The following FARP1 variants were observed in gnomAD, a reference collection of about 807,000 sequenced individuals.
FARP1 encodes the protein FERM, ARH/RhoGEF and pleckstrin domain protein 1, also known as FERM, ARHGEF and pleckstrin domain-containing protein 1.
A neutral mutation model predicts 128.8 loss-of-function variants in FARP1; 52 were observed. The observed-to-expected ratio is 0.40, with a 90% confidence interval of 0.32 to 0.51. The LOEUF (loss-of-function observed/expected upper bound fraction) is 0.51. Among genes scored for constraint, FARP1 ranks in the 20% least tolerant of loss-of-function variants. The pLI is 0.45. For synonymous variants in FARP1, 580 were observed against 551.8 expected, an observed-to-expected ratio of 1.05 and a Z score of -0.72; for missense variants, 1,333 against 1,367.9, an observed-to-expected ratio of 0.97 and a Z score of 0.40.
chr13:98,229,868 C>A (rs1372495309), intron 2 of FARP1, among the ~76,000 whole-genome samples: 2 of 152,154 alleles, frequency 1.3e-5, no homozygotes, highest in East Asian at 3.9e-4. Context: ...TACTACGCCT[C>A]TCTCTACTGT....
intron 1 of FARP1, among the ~76,000 whole-genome samples, chr13:98,200,158 C>T (rs1055764183): frequency 6.6e-6 from 1 of 152,168 alleles, no homozygotes; most frequent in Non-Finnish European, 1.5e-5. Flanking sequence ...CTTTTTCTTG[C>T]GAGGAGCTGC....
In FARP1 at chr13:98,409,329, C is replaced by A. The variant is rs1480173059; in HGVS notation, c.1415-9C>A. On this transcript the variant is annotated splice_polypyrimidine_tract_variant and intron_variant, in intron 13 of 26. Transcript: ENST00000319562. The stretch of plus-strand genomic sequence containing the variant: ...TTTTTTTTCTTTAAAACTTCTCATC[C>A]CCAAACAGGCTCCCTGACTGGCAGT... 2 of 1,589,244 alleles carry A rather than the reference C, an allele frequency of 1.3e-6. No individual in the cohort carries two copies. Among genetic ancestry groups the A allele is most frequent in the Admixed American group, 1.8e-5 (1 of 57,028 alleles).
intron 6 of FARP1, among the ~76,000 whole-genome samples, chr13:98,381,331 A>G (rs976249698): frequency 2.6e-5 from 4 of 152,130 alleles, no homozygotes; most frequent in Admixed American, 6.6e-5. Flanking sequence ...GGCAGAAACT[A>G]TATTACCCCT....
intron 13 of FARP1, chr13:98,402,621 G>C (rs1483784668): frequency 4.6e-5 from 7 of 152,094 alleles, no homozygotes; most frequent in Admixed American, 4.6e-4. Flanking sequence ...GTGATTTATT[G>C]AAAGACTGAA....
chr13:98,197,607 A>G (rs1371326351), intron 1 of FARP1, among the ~76,000 whole-genome samples: 1 of 152,090 alleles, frequency 6.6e-6, no homozygotes, highest in African/African-American at 2.4e-5. Context: ...AAAATGGTAG[A>G]GGGCAGGAGA....
chr13:98,191,967 T>C lies in FARP1; in HGVS notation c.-23-21253T>C, dbSNP rs190161034. On this transcript the variant is annotated intron_variant, in intron 1 of 26. Transcript: ENST00000319562. ...TAAATAAATTAAATACGTAAGTAAA[T>C]AAATAAATTTTAGAGAAAAATGACT... Among the ~76,000 whole-genome samples the C allele has an allele frequency of 3.0e-3, 459 of 152,154 alleles. 2 individuals are homozygous for C. Among genetic ancestry groups the C allele is most frequent in the Non-Finnish European group, 5.0e-3 (338 of 67,996 alleles).
intron 2 of FARP1, among the ~76,000 whole-genome samples, chr13:98,274,371 C>T (rs186584933): frequency 4.1e-4 from 62 of 152,292 alleles, no homozygotes; most frequent in African/African-American, 1.4e-3. Flanking sequence ...CTGAGTTTCA[C>T]AGGCTCCTTA....
intron 2 of FARP1, among the ~76,000 whole-genome samples, chr13:98,316,720 C>T (rs771878336): frequency 2.0e-5 from 3 of 152,188 alleles, no homozygotes; most frequent in Non-Finnish European, 4.4e-5. Context: ...CCCAGTGATT[C>T]CGTCATGGGG....
At chr13:98,198,995 C>T (rs1879763206) in intron 1 of FARP1, among the ~76,000 whole-genome samples, 1 of 101,358 alleles carries the variant, frequency 9.9e-6, no homozygotes, top group Non-Finnish European at 2.0e-5. Flanking sequence ...TGGAGGATTA[C>T]TGAGCCCAAG....
chr13:98,289,605 A>G (rs1408434170), intron 2 of FARP1, among the ~76,000 whole-genome samples: 1 of 152,142 alleles, frequency 6.6e-6, no homozygotes. Flanking sequence ...ATGAAGGAGG[A>G]TGAGGTCCCT....
At position 98,213,363 on chromosome 13, in the gene FARP1, T is replaced by G; in HGVS notation, c.121T>G (p.Ser41Ala). 1.2e-6 allele frequency: 2 copies of G among 1,614,088 alleles called. No individual in the cohort carries two copies. The highest frequency in any genetic ancestry group is 1.7e-6 in the Non-Finnish European group (2 of 1,180,004). ...PPPTPSGKLV[S>A]IKIQMLDDTQ... ...CCCAACACCTTCAGGAAAACTCGTG[T>G]CCATCAAAATCCAGATGCTGGATGA... The change falls in exon 2 of 27, where the codon TCC (serine) becomes GCC (alanine). Residue 41 changes from serine to alanine, a missense_variant. Transcript: ENST00000319562.
chr13:98,144,369 G>A (rs764463755), intron 1 of FARP1, among the ~76,000 whole-genome samples: 7 of 152,206 alleles, frequency 4.6e-5, no homozygotes, highest in Admixed American at 2.6e-4. Context: ...CGAGGCCCTG[G>A]TATCTGATCA....
chr13:98,446,722 T>TGAGTC lies in FARP1; in HGVS notation c.2962_2966dup (p.Glu990SerfsTer36). Reference sequence around the variant, plus strand: ...TCGGCTACTCGCTCACCATCCCCTCTGAGTCCGAGAACATCCAGAAAGACT... The same window carrying TGAGTC: ...TCGGCTACTCGCTCACCATCCCCTCTGAGTCGAGTCCGAGAACATCCAGAAAGACT... On this transcript the variant is annotated frameshift_variant, in exon 26 of 27. Transcript: ENST00000319562. LOFTEE classifies it high-confidence loss of function. The TGAGTC allele has an allele frequency of 6.2e-7, 1 of 1,614,160 alleles. No individual in the cohort carries two copies. The highest frequency in any genetic ancestry group is 8.5e-7 in the Non-Finnish European group (1 of 1,180,022).
At chr13:98,276,648 C>T (rs1208192352) in intron 2 of FARP1, among the ~76,000 whole-genome samples, 7 of 152,184 alleles carry the variant, frequency 4.6e-5, no homozygotes, top group Non-Finnish European at 8.8e-5. Context: ...AGTAAGTCAT[C>T]TTCTTGGTAT....
chr13:98,400,202 A>G (rs955327057), intron 13 of FARP1: 1 of 152,238 alleles, frequency 6.6e-6, no homozygotes, highest in African/African-American at 2.4e-5. Flanking sequence ...AAACTAAAAC[A>G]TAGCACGAGC....
At chr13:98,153,553 T>TAC (rs1425419220) in intron 1 of FARP1, among the ~76,000 whole-genome samples, 4 of 25,486 alleles carry the variant, frequency 1.6e-4, no homozygotes, top group African/African-American at 2.0e-4. Flanking sequence ...TGTATAAATA[T>TAC]ATATTTATAT....
At chr13:98,194,485 C>T (rs372860617) in intron 1 of FARP1, among the ~76,000 whole-genome samples, 30 of 152,272 alleles carry the variant, frequency 2.0e-4, no homozygotes, top group African/African-American at 5.5e-4. Flanking sequence ...ATTATTGGAA[C>T]GCTAAGCATG....
chr13:98,222,445 G>A (rs1881468768), intron 2 of FARP1, among the ~76,000 whole-genome samples: 1 of 152,142 alleles, frequency 6.6e-6, no homozygotes, highest in Non-Finnish European at 1.5e-5. Context: ...CAGGGCATAA[G>A]TGACTTGGCG....
rs1407735503 is a variant in FARP1, at chr13:98,243,570, C to T, written c.171+30157C>T. On this transcript the variant is annotated intron_variant, in intron 2 of 26. Coordinates refer to ENST00000319562, the MANE Select transcript of FARP1 (RefSeq NM_005766.4). The stretch of plus-strand genomic sequence containing the variant: ...AAAATTAGCCGGGCGTGGTGGTGGG[C>T]GCCTGTAATCTCAGCTACTTGGGAG... 4.0e-5 allele frequency among the ~76,000 whole-genome samples: 6 copies of T among 151,452 alleles called. No individual in the cohort carries two copies. In the East Asian group the frequency reaches 7.8e-4, roughly 20 times the overall value.
Sources: gnomAD v4.1 joint callset for allele counts (sites outside exome capture counted in the v4.1 genomes callset) on GRCh38, gnomAD v4.1.1 for gene constraint, MANE v1.5 for transcripts, NCBI Gene and HGNC (gene_info 2026-07-23, HGNC 2026-07-21) for gene names.